Variants in PTPRE observed in about 807,000 individuals in gnomAD.
PTPRE encodes the protein protein tyrosine phosphatase receptor type E.
PTPRE carries 51 observed loss-of-function variants against 102.0 expected under a neutral mutation model. The observed-to-expected ratio is 0.50, with a 90% CI of 0.40 to 0.63. The LOEUF (loss-of-function observed/expected upper bound fraction) is 0.63. Ranked by LOEUF, PTPRE falls within the 30% of genes least tolerant of loss-of-function variation. The pLI, the probability that PTPRE is intolerant of heterozygous loss-of-function variation, is 0.00. For missense variants in PTPRE, 752 were observed against 915.1 expected (o/e 0.82, Z 2.30); for synonymous variants, 345 against 348.2 (o/e 0.99, Z 0.10).
chr10:128,008,903 C>T lies in PTPRE; in HGVS notation c.-8+26607C>T, dbSNP rs748102596. On this transcript the variant is annotated intron_variant, in intron 2 of 20. Coordinates refer to ENST00000254667, the MANE Select transcript of PTPRE (RefSeq NM_006504.6). The surrounding 1 kb of genome is among the most constrained non-coding windows in gnomAD (Gnocchi z 4.0). ...ATGAATTCAGTGCCCAGTGCTAAGT[C>T]CCAGAAGTGACAGAGAGACAGAGAG... 3.9e-5 allele frequency among the ~76,000 whole-genome samples: 6 copies of T among 152,290 alleles called. 1 individual carries two copies. The South Asian group carries it at 1.2e-3, about 32-fold the overall frequency.
chr10:128,081,755 C>T (rs1287779575), intron 20 of PTPRE, among the ~76,000 whole-genome samples: 1 of 152,208 alleles, frequency 6.6e-6, no homozygotes, highest in African/African-American at 2.4e-5. Flanking sequence ...GGTCTTGGCT[C>T]TTCCAACAAC....
At position 127,952,835 on chromosome 10, in the gene PTPRE, G is replaced by A. The variant is rs1849134178; in HGVS notation, c.-30-29439G>A. Among the ~76,000 whole-genome samples the A allele has an allele frequency of 2.0e-5, 3 of 152,168 alleles. No homozygotes were observed. In the South Asian group the frequency reaches 6.2e-4, roughly 32 times the overall value. On this transcript the variant is annotated intron_variant, in intron 1 of 20. Transcript: ENST00000254667. ...AGTTTATTTCTCACAATGACAATAT[G>A]CTGATTGGGCCTAGAGAGCATGAAG...
At chr10:128,065,224 T>G (rs1365497229) in intron 10 of PTPRE, among the ~76,000 whole-genome samples, 1 of 152,366 alleles carries the variant, frequency 6.6e-6, no homozygotes. Context: ...CATAAGACTG[T>G]TAATCCTGGA....
intron 3 of PTPRE, among the ~76,000 whole-genome samples, chr10:128,044,680 C>A (rs749659713): frequency 6.6e-6 from 1 of 152,116 alleles, no homozygotes; most frequent in African/African-American, 2.4e-5. Context: ...GGATGACCAC[C>A]CTGGGGACTG....
intron 11 of PTPRE, among the ~76,000 whole-genome samples, chr10:128,067,260 GCATA>G (rs1160630967): frequency 4.6e-5 from 4 of 86,722 alleles, no homozygotes; most frequent in African/African-American, 1.9e-4. Context: ...TCATGCACAT[GCATA>G]CATGTGCACA....
intron 12 of PTPRE, 166 bp from the exon 13 acceptor site, chr10:128,069,526 T>G: frequency 2.3e-6 from 2 of 876,210 alleles, no homozygotes; most frequent in Non-Finnish European, 3.5e-6. Flanking sequence ...ATCACTTTAC[T>G]GAGACCACAG....
Position 128,074,622 on chromosome 10 carries a change from G to A in PTPRE, c.1599+1151G>A, listed in dbSNP as rs185679074. Among the ~76,000 whole-genome samples the A allele has an allele frequency of 1.3e-4, 20 of 151,774 alleles. 1 individual carries two copies. In the East Asian group the frequency reaches 2.1e-3, roughly 16 times the overall value. On this transcript the variant is annotated intron_variant, in intron 17 of 20. Coordinates refer to ENST00000254667, the MANE Select transcript of PTPRE (RefSeq NM_006504.6). ...GCAGAGGTTGCATTGAGCTGAGATC[G>A]CGCCATTGCACTCCAGCCTGGGGGA...
chr10:128,036,328 C>A (rs771593726), intron 2 of PTPRE, among the ~76,000 whole-genome samples: 2 of 152,050 alleles, frequency 1.3e-5, no homozygotes, highest in Non-Finnish European at 2.9e-5. Context: ...TCTGACAAGG[C>A]CCCAGACCCC....
intron 1 of PTPRE, among the ~76,000 whole-genome samples, chr10:127,911,277 A>G (rs1845850890): frequency 6.6e-6 from 1 of 152,202 alleles, no homozygotes; most frequent in East Asian, 1.9e-4. Flanking sequence ...TTAATCCCAT[A>G]ATGTTATCAC....
At chr10:127,923,473 G>T (rs1016418865) in intron 1 of PTPRE, among the ~76,000 whole-genome samples, 1 of 142,322 alleles carries the variant, frequency 7.0e-6, no homozygotes, top group Non-Finnish European at 1.5e-5. Context: ...GCACGAACTC[G>T]GCTCACCGCA....
At chr10:128,061,094 G>A in intron 8 of PTPRE, 79 bp downstream of exon 8, 3 of 1,422,408 alleles carry the variant, frequency 2.1e-6, no homozygotes, top group Non-Finnish European at 3.0e-6. Flanking sequence ...GGTGCCCGGA[G>A]TGTAAATTGT....
chr10:128,016,750 T>C (rs1207218215), intron 2 of PTPRE, among the ~76,000 whole-genome samples: 1 of 152,068 alleles, frequency 6.6e-6, no homozygotes. Flanking sequence ...CATGCTACTG[T>C]TTTGGATTTG....
intron 1 of PTPRE, among the ~76,000 whole-genome samples, chr10:127,981,816 G>A (rs1018914606): frequency 3.8e-5 from 5 of 132,152 alleles, no homozygotes; most frequent in East Asian, 2.1e-4. Flanking sequence ...GACTCACTCC[G>A]TCTCAAAAAA....
Position 128,063,118 on chromosome 10 carries a change from A to G in PTPRE, c.661A>G (p.Met221Val). Residue 221 changes from methionine (M) to valine (V), a missense_variant, in exon 10 of 21, where the codon ATG (methionine) becomes GTG (valine). Physicochemically the swap from Met to Val is conservative, Grantham distance 21. Coordinates refer to ENST00000254667, the MANE Select transcript of PTPRE (RefSeq NM_006504.6). Reference sequence around the variant, plus strand: ...GGAAACGGTTAACGACTTCTGGAGAATGGTCTGGGAGCAAAAGTCTGCGAC... The same window carrying G: ...GGAAACGGTTAACGACTTCTGGAGAGTGGTCTGGGAGCAAAAGTCTGCGAC... ...KQETVNDFWR[M>V]VWEQKSATIV... 2 of 1,614,232 alleles carry G rather than the reference A, an allele frequency of 1.2e-6. No homozygotes were observed. The highest frequency in any genetic ancestry group is 1.7e-6 in the Non-Finnish European group (2 of 1,180,048).
In PTPRE at chr10:128,070,963, T is replaced by C. The variant is rs750419315; in HGVS notation, c.1387+62T>C. ...GCGGGGCTGGTGCCGGAGGCTTTCA[T>C]CCTGGAGAAGCCATTGACCGCTTAC... On this transcript the variant is annotated intron_variant, in intron 15 of 20. Transcript: ENST00000254667. This position sits in a 1 kb window ranked among gnomAD's most constrained non-coding sequence, Gnocchi z 4.8. 7 of 1,521,652 alleles carry C rather than the reference T, an allele frequency of 4.6e-6. No individual in the cohort carries two copies. The highest frequency in any genetic ancestry group is 1.4e-5 in the African/African-American group (1 of 72,906). 94.3% of individuals were successfully genotyped at this position (1,521,652 alleles called of 1,614,324 possible).
At chr10:127,963,867 G>A (rs1272508132) in intron 1 of PTPRE, among the ~76,000 whole-genome samples, 1 of 152,188 alleles carries the variant, frequency 6.6e-6, no homozygotes, top group Non-Finnish European at 1.5e-5. Context: ...GTCCGCAGTG[G>A]GCCAAGGCAG....
intron 2 of PTPRE, among the ~76,000 whole-genome samples, chr10:127,986,801 G>A (rs570326040): frequency 1.8e-4 from 28 of 152,352 alleles, no homozygotes; most frequent in Admixed American, 1.3e-3. Flanking sequence ...CTGGGGTGAC[G>A]TTTCCAGCAG....
At chr10:128,036,886 C>G (rs777671207) in intron 2 of PTPRE, among the ~76,000 whole-genome samples, 2 of 152,188 alleles carry the variant, frequency 1.3e-5, no homozygotes, top group Non-Finnish European at 2.9e-5. Flanking sequence ...CTCACATGCT[C>G]CCAGGTGATG....
chr10:127,977,904 G>C (rs1851306139), intron 1 of PTPRE, among the ~76,000 whole-genome samples: 1 of 152,214 alleles, frequency 6.6e-6, no homozygotes, highest in Admixed American at 6.5e-5. Flanking sequence ...TGGAAGCAGA[G>C]TGGCTGCAGC....
Sources: allele counts gnomAD v4.1 joint callset (sites outside exome capture counted in the v4.1 genomes callset), GRCh38; gene constraint gnomAD v4.1.1; non-coding constraint Gnocchi (gnomAD v3.1); transcripts MANE v1.5; gene names NCBI Gene and HGNC (gene_info 2026-07-23, HGNC 2026-07-21).